ROR1: variants seen among roughly 807,000 people sequenced by gnomAD.
The protein encoded by ROR1 is inactive tyrosine-protein kinase transmembrane receptor ROR1.
Under a neutral mutation model 78.8 loss-of-function variants are expected in ROR1, and 19 were observed. That is an observed-to-expected ratio of 0.24 (90% confidence interval 0.17 to 0.35). The LOEUF (loss-of-function observed/expected upper bound fraction) is 0.35. ROR1 is among the 10% of genes least tolerant of loss of function. The pLI, the probability that ROR1 is intolerant of heterozygous loss-of-function variation, is 1.00. For synonymous variants in ROR1, 386 were observed against 433.6 expected (o/e 0.89, Z 1.36); for missense variants, 917 against 1,177.8 (o/e 0.78, Z 3.24).
At chr1:64,146,832 A>G (rs755373061) in intron 7 of ROR1, among the ~76,000 whole-genome samples, 6 of 152,202 alleles carry the variant, frequency 3.9e-5, no homozygotes, top group Non-Finnish European at 8.8e-5. Context: ...GATACCTACT[A>G]TGTGCCTGCA....
chr1:64,068,909 C>T (rs1329618202), intron 4 of ROR1, among the ~76,000 whole-genome samples: 2 of 152,066 alleles, frequency 1.3e-5, no homozygotes, highest in Non-Finnish European at 2.9e-5. Context: ...TATGTCATGC[C>T]TCATCAAAAA....
intron 1 of ROR1, among the ~76,000 whole-genome samples, chr1:63,828,805 G>C (rs1475090111): frequency 6.6e-6 from 1 of 152,130 alleles, no homozygotes. Context: ...CTCTCCAGCT[G>C]TCCTGTCCTT....
At chr1:64,098,518 A>C (rs1324364) in intron 4 of ROR1, among the ~76,000 whole-genome samples, 58,821 of 152,062 alleles carry the variant, frequency 0.39, 12,764 homozygotes, top group Non-Finnish European at 0.5. Flanking sequence ...GCTTAAGCAC[A>C]AACTAGGGCT....
chr1:63,872,177 TC>T (rs1358365866), intron 1 of ROR1, among the ~76,000 whole-genome samples: 2 of 152,210 alleles, frequency 1.3e-5, no homozygotes, highest in Non-Finnish European at 2.9e-5. Flanking sequence ...CTACAGTAGT[TC>T]CCATTAGTAA....
At position 64,178,787 on chromosome 1, in the gene ROR1, C is replaced by G; in HGVS notation, c.2746C>G (p.Gln916Glu). Residue 916 changes from glutamine (Q) to glutamate (E), a missense_variant, in exon 9 of 9, where the codon CAA becomes GAA. Gln to Glu is a conservative substitution (Grantham distance 29, BLOSUM62 2). Transcript: ENST00000371079. The surrounding 1 kb of genome is among the most constrained non-coding windows in gnomAD (Gnocchi z 4.3). The stretch of plus-strand genomic sequence containing the variant: ...AAAACCCTACAAAATTGACTCAAAG[C>G]AAGCATCTTTACTAGGAGACGCCAA... ...SQKPYKIDSK[Q>E]ASLLGDANIH... 1 of 1,614,112 alleles carries G rather than the reference C, an allele frequency of 6.2e-7. No homozygotes were observed. Among genetic ancestry groups the G allele is most frequent in the East Asian group, 2.2e-5 (1 of 44,870 alleles).
intron 8 of ROR1, among the ~76,000 whole-genome samples, chr1:64,166,878 G>A (rs1305094758): frequency 1.3e-5 from 2 of 152,130 alleles, no homozygotes; most frequent in African/African-American, 4.8e-5. Context: ...TTAAACCAAT[G>A]TCTATAGAAA....
chr1:64,048,757 G>A (rs1646805303), intron 2 of ROR1, among the ~76,000 whole-genome samples: 1 of 152,128 alleles, frequency 6.6e-6, no homozygotes, highest in Admixed American at 6.5e-5. Context: ...TAAATCTTAA[G>A]AGGAGCCAAA....
In ROR1 at chr1:63,996,904, C is replaced by T. The variant is rs184708629; in HGVS notation, c.92-12401C>T. Among the ~76,000 whole-genome samples, 6 of 152,226 alleles carry T rather than the reference C, an allele frequency of 3.9e-5. No individual in the cohort carries two copies. In the East Asian group the frequency reaches 1.2e-3, roughly 29 times the overall value. ...TGTCAGGGGACCTTAGGCAAGTTCTCTGCCCGAGTCTGGGTTTCTTCAAGT... is the reference window on the plus strand; with the variant it reads ...TGTCAGGGGACCTTAGGCAAGTTCTTTGCCCGAGTCTGGGTTTCTTCAAGT... On this transcript the variant is annotated intron_variant, in intron 1 of 8. Transcript: ENST00000371079.
chr1:64,067,067 AG>A (rs1418286399), intron 4 of ROR1, among the ~76,000 whole-genome samples: 1 of 152,128 alleles, frequency 6.6e-6, no homozygotes, highest in African/African-American at 2.4e-5. Context: ...GAAATACTTG[AG>A]GCCAGGCGCA....
chr1:64,123,807 G>A (rs540675325), intron 4 of ROR1, among the ~76,000 whole-genome samples: 1 of 152,032 alleles, frequency 6.6e-6, no homozygotes, highest in Non-Finnish European at 1.5e-5. Flanking sequence ...TTTCTTAAAA[G>A]ATATTTATAA....
chr1:64,020,217 G>A (rs1249870358), intron 2 of ROR1, among the ~76,000 whole-genome samples: 1 of 152,144 alleles, frequency 6.6e-6, no homozygotes, highest in African/African-American at 2.4e-5. Flanking sequence ...AGTAACATCA[G>A]GAAACTAAGA....
intron 4 of ROR1, among the ~76,000 whole-genome samples, chr1:64,090,474 A>G (rs1647186812): frequency 6.6e-6 from 1 of 152,240 alleles, no homozygotes; most frequent in African/African-American, 2.4e-5. Context: ...AAGCACCTTC[A>G]ATTGCTGTCA....
In ROR1 at chr1:63,912,306, A is replaced by C. The variant is rs200965866; in HGVS notation, c.92-96999A>C. Among the ~76,000 whole-genome samples the C allele has an allele frequency of 2.9e-3, 441 of 152,068 alleles. 4 individuals carry two copies. The highest frequency in any genetic ancestry group is 0.024 in the East Asian group (125 of 5,168). On this transcript the variant is annotated intron_variant, in intron 1 of 8. Transcript: ENST00000371079. ...GAGTGAGACCCTATCTCAAAAAAAA[A>C]AAAAAACAAAAAACAGAAGACATGG...
chr1:64,000,116 C>T (rs920007243), intron 1 of ROR1, among the ~76,000 whole-genome samples: 6 of 152,066 alleles, frequency 3.9e-5, no homozygotes, highest in East Asian at 1.9e-4. Flanking sequence ...AAGACAAAGA[C>T]AGATGACACA....
intron 6 of ROR1, among the ~76,000 whole-genome samples, chr1:64,141,045 G>A (rs562502084): frequency 1.9e-4 from 29 of 152,294 alleles, no homozygotes; most frequent in African/African-American, 6.5e-4. Context: ...AGGGGTAGTG[G>A]AGAGTGATTG....
chr1:64,133,993 A>C (rs10889465), intron 4 of ROR1, among the ~76,000 whole-genome samples: 35,016 of 152,146 alleles, frequency 0.23, 4,575 homozygotes, highest in African/African-American at 0.36. Context: ...TACCACCCAG[A>C]ATGCACCAAA....
At chr1:64,099,225 C>T (rs989692073) in intron 4 of ROR1, among the ~76,000 whole-genome samples, 1 of 152,168 alleles carries the variant, frequency 6.6e-6, no homozygotes, top group African/African-American at 2.4e-5. Flanking sequence ...AATACTACCT[C>T]CACATCAGGG....
intron 1 of ROR1, among the ~76,000 whole-genome samples, chr1:63,919,488 C>CTTTTTTTTTTTTTTTTTTTTTTTTTTT (rs10644304): frequency 8.2e-6 from 1 of 122,190 alleles, no homozygotes; most frequent in South Asian, 2.7e-4. Flanking sequence ...ATTGAATTGG[C>CTTTTTTTTTTTTTTTTTTTTTTTTTTT]TTTTTTTTTT....
At chr1:63,853,619 T>C (rs1645129969) in intron 1 of ROR1, among the ~76,000 whole-genome samples, 1 of 152,204 alleles carries the variant, frequency 6.6e-6, no homozygotes, top group South Asian at 2.1e-4. Flanking sequence ...AGTGAGAGTC[T>C]AGCTTATGCT....
Sources: allele counts gnomAD v4.1 joint callset (sites outside exome capture counted in the v4.1 genomes callset), GRCh38; gene constraint gnomAD v4.1.1; non-coding constraint Gnocchi (gnomAD v3.1); transcripts MANE v1.5; gene names NCBI Gene and HGNC (gene_info 2026-07-23, HGNC 2026-07-21).